PSD3: variants seen among roughly 807,000 people sequenced by gnomAD.
PSD3 encodes the protein PH and SEC7 domain-containing protein 3.
In PSD3, 49 loss-of-function variants were observed where a neutral mutation model predicts 105.5. The observed-to-expected ratio is 0.46, with a 90% CI of 0.37 to 0.59. PSD3 has a LOEUF of 0.59. Ranked by LOEUF, PSD3 falls within the 20% of genes least tolerant of loss-of-function variation. PSD3 has a pLI of 0.00. For synonymous variants in PSD3, 557 were observed against 457.8 expected, an observed-to-expected ratio of 1.22 and a Z score of -2.77; for missense variants, 1,561 against 1,263.8, an observed-to-expected ratio of 1.24 and a Z score of -3.57.
chr8:18,682,484 C>T (rs1199643003), intron 9 of PSD3, among the ~76,000 whole-genome samples: 2 of 152,182 alleles, frequency 1.3e-5, no homozygotes, highest in Non-Finnish European at 2.9e-5. Context: ...GAAGCCAACA[C>T]ATCCCTATAC....
intron 15 of PSD3, 65 bp downstream of exon 15, chr8:18,556,144 G>A (rs553544366): frequency 4.4e-5 from 68 of 1,533,196 alleles, no homozygotes; most frequent in African/African-American, 6.9e-5. Context: ...GAAAGATACC[G>A]CCTCATGGAC....
chr8:18,967,973 G>T (rs1824390355), intron 1 of PSD3, among the ~76,000 whole-genome samples: 1 of 152,156 alleles, frequency 6.6e-6, no homozygotes, highest in Admixed American at 6.5e-5. Context: ...GCTAGCAAAA[G>T]ATCCAAACCT....
At chr8:18,724,615 A>G (rs971403253) in intron 9 of PSD3, among the ~76,000 whole-genome samples, 1 of 152,074 alleles carries the variant, frequency 6.6e-6, no homozygotes, top group African/African-American at 2.4e-5. Flanking sequence ...CTGTCTCTAA[A>G]AAAAATAAAT....
intron 1 of PSD3, among the ~76,000 whole-genome samples, chr8:19,060,246 A>C (rs1326620854): frequency 6.6e-6 from 1 of 152,204 alleles, no homozygotes; most frequent in African/African-American, 2.4e-5. Flanking sequence ...GAGAAAAAAA[A>C]CTTTAAAAAT....
intron 2 of PSD3, among the ~76,000 whole-genome samples, chr8:18,899,593 T>G (rs944877941): frequency 6.6e-6 from 1 of 151,962 alleles, no homozygotes; most frequent in African/African-American, 2.4e-5. Flanking sequence ...ATACTGTGTT[T>G]GGGGGCAAGC....
intron 2 of PSD3, among the ~76,000 whole-genome samples, chr8:18,929,788 A>G (rs1195361438): frequency 6.6e-6 from 1 of 152,130 alleles, no homozygotes. Flanking sequence ...TCGATGAAGC[A>G]AAAATCCAGG....
At chr8:18,790,709 G>T (rs565592305) in intron 8 of PSD3, among the ~76,000 whole-genome samples, 7 of 151,808 alleles carry the variant, frequency 4.6e-5, no homozygotes, top group African/African-American at 1.7e-4. Context: ...TGAACGCCAG[G>T]CCCCACTAGA....
chr8:18,648,085 T>C (rs1161502529), intron 10 of PSD3, among the ~76,000 whole-genome samples: 1 of 151,976 alleles, frequency 6.6e-6, no homozygotes, highest in Non-Finnish European at 1.5e-5. Flanking sequence ...AGTGCCAGAA[T>C]AAACGAATTC....
intron 9 of PSD3, among the ~76,000 whole-genome samples, chr8:18,671,816 A>C (rs1799800397): frequency 6.6e-6 from 1 of 152,030 alleles, no homozygotes; most frequent in South Asian, 2.1e-4. Flanking sequence ...TATTTTTAGT[A>C]GAGATGGGGT....
chr8:18,828,462 T>A (rs1195085001), intron 4 of PSD3, among the ~76,000 whole-genome samples: 8 of 150,264 alleles, frequency 5.3e-5, no homozygotes, highest in Non-Finnish European at 8.9e-5. Context: ...TTACTCACAA[T>A]TTTTTTTTTA....
At chr8:18,572,235 G>A (rs1377193153) in intron 14 of PSD3, among the ~76,000 whole-genome samples, 1 of 152,198 alleles carries the variant, frequency 6.6e-6, no homozygotes, top group Non-Finnish European at 1.5e-5. Flanking sequence ...CAGATTATGA[G>A]CTGGCAGTTA....
chr8:18,731,116 C>T (rs1431293872), intron 9 of PSD3, among the ~76,000 whole-genome samples: 4 of 17,490 alleles, frequency 2.3e-4, no homozygotes, highest in East Asian at 1.3e-3. Flanking sequence ...ATTAGCTGGA[C>T]GTGGGGGCGG....
At chr8:18,913,086 AACAC>A (rs72253853) in intron 2 of PSD3, among the ~76,000 whole-genome samples, 3,969 of 130,448 alleles carry the variant, frequency 0.03, 68 homozygotes, top group African/African-American at 0.058. Flanking sequence ...CACACACACA[AACAC>A]ACACACACAC....
At chr8:19,021,836 C>A (rs1279822797) in intron 1 of PSD3, among the ~76,000 whole-genome samples, 2 of 152,224 alleles carry the variant, frequency 1.3e-5, no homozygotes, top group Non-Finnish European at 2.9e-5. Flanking sequence ...AGCATTAAAT[C>A]TTCTCCTCTG....
At chr8:18,624,857 T>C (rs1038563685) in intron 11 of PSD3, among the ~76,000 whole-genome samples, 2 of 151,992 alleles carry the variant, frequency 1.3e-5, no homozygotes, top group African/African-American at 4.8e-5. Context: ...TAATTATACA[T>C]ATCAATTTTT....
At chr8:18,623,595 G>T (rs1040051219) in intron 11 of PSD3, among the ~76,000 whole-genome samples, 5 of 148,916 alleles carry the variant, frequency 3.4e-5, no homozygotes, top group African/African-American at 1.2e-4. Flanking sequence ...AGCTACAATT[G>T]CATGTACCAC....
intron 1 of PSD3, among the ~76,000 whole-genome samples, chr8:19,063,549 T>G (rs572378399): frequency 2.0e-5 from 3 of 152,310 alleles, no homozygotes; most frequent in Admixed American, 2.0e-4. Context: ...GTGAGACAGG[T>G]ATTACCATCC....
chr8:18,871,608 G>A lies in PSD3; in HGVS notation c.1238+18C>T, dbSNP rs1054290526. On this transcript the variant is annotated intron_variant, in intron 3 of 15. Coordinates refer to ENST00000327040, the MANE Select transcript of PSD3 (RefSeq NM_015310.4). ...TGTACCAGGCATCTGAGACAGCAGG[G>A]CTACTATGGGAGCTCACCTTTCCCT... 2.5e-6 allele frequency: 4 copies of A among 1,573,156 alleles called. No individual in the cohort carries two copies. In the African/African-American group the frequency reaches 5.5e-5, roughly 21 times the overall value.
At chr8:18,724,706 G>A (rs754438732) in intron 9 of PSD3, among the ~76,000 whole-genome samples, 1 of 152,046 alleles carries the variant, frequency 6.6e-6, no homozygotes, top group Non-Finnish European at 1.5e-5. Flanking sequence ...ATGTGGGCAC[G>A]TAATTCCTCA....
Sources: gnomAD v4.1 joint callset for allele counts (sites outside exome capture counted in the v4.1 genomes callset) on GRCh38, gnomAD v4.1.1 for gene constraint, MANE v1.5 for transcripts, NCBI Gene and HGNC (gene_info 2026-07-23, HGNC 2026-07-21) for gene names.